Variants in KCNAB1 observed in about 807,000 individuals in gnomAD.
KCNAB1 encodes potassium voltage-gated channel subfamily A regulatory beta subunit 1, also known as voltage-gated potassium channel subunit beta-1.
In KCNAB1, 35 loss-of-function variants were observed where a neutral mutation model predicts 64.6. The observed-to-expected ratio is 0.54, with a 90% CI of 0.41 to 0.72. The LOEUF is 0.72. Ranked by LOEUF, KCNAB1 falls within the 30% of genes least tolerant of loss-of-function variation. The probability of loss-of-function intolerance (pLI) is 0.00; values close to 1 mark genes in which losing one functional copy is unlikely to be tolerated. For synonymous variants in KCNAB1, 177 were observed against 183.8 expected (o/e 0.96, Z 0.30); for missense variants, 401 against 512.9 (o/e 0.78, Z 2.11).
rs536391085 is a variant in KCNAB1 at position 156,399,238 on chromosome 3, G to T, written c.276-22378G>T. Among the ~76,000 whole-genome samples, 4 of 152,274 alleles carry T rather than the reference G, an allele frequency of 2.6e-5. No homozygotes were observed. In the East Asian group the frequency reaches 7.7e-4, roughly 29 times the overall value. ...CTGCAATCTGTCTGGTGTTTCAGTC[G>T]TGTTAGGTGTGCTGTATGGAAAGGC... On this transcript the variant is annotated intron_variant, in intron 1 of 13. Coordinates refer to ENST00000490337, the MANE Select transcript of KCNAB1 (RefSeq NM_172160.3).
At chr3:156,301,338 T>C (rs1040933784) in intron 1 of KCNAB1, among the ~76,000 whole-genome samples, 3 of 152,188 alleles carry the variant, frequency 2.0e-5, no homozygotes, top group African/African-American at 7.2e-5. Flanking sequence ...AAAGAATTCC[T>C]CTGAGGCATT....
intron 1 of KCNAB1, among the ~76,000 whole-genome samples, chr3:156,152,179 T>A (rs1031044898): frequency 1.3e-5 from 2 of 152,200 alleles, no homozygotes; most frequent in African/African-American, 4.8e-5. Context: ...CTTATTAGCC[T>A]ACATAAATCC....
chr3:156,181,287 A>G (rs1712798593), intron 1 of KCNAB1, among the ~76,000 whole-genome samples: 2 of 152,306 alleles, frequency 1.3e-5, no homozygotes, highest in South Asian at 4.1e-4. Context: ...CTAGCAGACG[A>G]AACAACACGA....
intron 1 of KCNAB1, among the ~76,000 whole-genome samples, chr3:156,126,128 G>T (rs1257826978): frequency 6.6e-6 from 1 of 152,094 alleles, no homozygotes; most frequent in Non-Finnish European, 1.5e-5. Flanking sequence ...GAGCAGAGGT[G>T]CAGATGAAAG....
intron 1 of KCNAB1, among the ~76,000 whole-genome samples, chr3:156,152,316 G>C (rs1715461891): frequency 6.6e-6 from 1 of 152,210 alleles, no homozygotes; most frequent in Non-Finnish European, 1.5e-5. Context: ...CACAGACACG[G>C]TTACCTCAGG....
chr3:156,515,071 A>C, intron 9 of KCNAB1, 29 bp from the exon 10 acceptor site: 1 of 1,578,744 alleles, frequency 6.3e-7, no homozygotes, highest in Non-Finnish European at 8.6e-7. Context: ...CATCAGTATA[A>C]ATTTGGTTGT....
At chr3:156,491,935 C>T (rs1207506371) in intron 8 of KCNAB1, among the ~76,000 whole-genome samples, 2 of 152,076 alleles carry the variant, frequency 1.3e-5, no homozygotes, top group East Asian at 1.9e-4. Context: ...AGAAATTATT[C>T]GATTCTGGAA....
At chr3:156,436,318 G>C (rs1194434571) in intron 2 of KCNAB1, among the ~76,000 whole-genome samples, 1 of 152,138 alleles carries the variant, frequency 6.6e-6, no homozygotes, top group Non-Finnish European at 1.5e-5. Flanking sequence ...GTCTATCGTT[G>C]ATGGGCATTT....
intron 2 of KCNAB1, among the ~76,000 whole-genome samples, chr3:156,445,227 C>T (rs866635012): frequency 6.6e-6 from 1 of 152,104 alleles, no homozygotes; most frequent in Admixed American, 6.6e-5. Context: ...ACCTGGGAGG[C>T]GGAAGTTGCA....
intron 8 of KCNAB1, among the ~76,000 whole-genome samples, chr3:156,489,382 C>T (rs1261431357): frequency 2.6e-5 from 4 of 151,834 alleles, no homozygotes; most frequent in Non-Finnish European, 4.4e-5. Flanking sequence ...CAAATGTTAC[C>T]GATAGGTCAA....
chr3:156,226,387 C>T (rs1000674980), intron 1 of KCNAB1, among the ~76,000 whole-genome samples: 1 of 151,994 alleles, frequency 6.6e-6, no homozygotes, highest in African/African-American at 2.4e-5. Context: ...AGATATCTAT[C>T]TCTCACCTCA....
rs1210016181 is a variant in KCNAB1 at position 156,523,630 on chromosome 3, A to G, written c.961-197A>G. The G allele has an allele frequency of 7.2e-6, 4 of 559,400 alleles. No individual in the cohort carries two copies. In the Admixed American group the frequency reaches 1.3e-4, roughly 18 times the overall value. The allele number at this position is 559,400 out of a possible 1,614,324, so 34.7% of individuals were successfully genotyped here. ...GAATGGTGAATATTAGTCAAAATCA[A>G]TCTGTTTTGAACCAATAAACAAGGA... On this transcript the variant is annotated intron_variant, in intron 11 of 13. Coordinates refer to ENST00000490337, the MANE Select transcript of KCNAB1 (RefSeq NM_172160.3).
At chr3:156,513,009 G>A (rs996407683) in intron 8 of KCNAB1, among the ~76,000 whole-genome samples, 25 of 152,184 alleles carry the variant, frequency 1.6e-4, no homozygotes, top group East Asian at 5.8e-4. Flanking sequence ...TCAGGAGATC[G>A]AGACCATCCT....
chr3:156,162,252 ATTT>A lies in KCNAB1; in HGVS notation c.275+41375_275+41377del, dbSNP rs5853743. Among the ~76,000 whole-genome samples the A allele has an allele frequency of 2.0e-5, 3 of 150,410 alleles. No homozygotes were observed. In the South Asian group the frequency reaches 6.3e-4, roughly 32 times the overall value. ...AGTATTTAGGACATATTTATACTGG[ATTT>A]TTTTTTTTAATTTTTAGCAAGGAAG... On this transcript the variant is annotated intron_variant, in intron 1 of 13. Coordinates refer to ENST00000490337, the MANE Select transcript of KCNAB1 (RefSeq NM_172160.3).
At chr3:156,143,225 TGGG>T in intron 1 of KCNAB1, 2 of 1,613,780 alleles carry the variant, frequency 1.2e-6, no homozygotes, top group Non-Finnish European at 8.5e-7. Flanking sequence ...AGCCCCAAGC[TGGG>T]TCTGCCAAAA....
chr3:156,416,466 T>C (rs1346220805), intron 1 of KCNAB1, among the ~76,000 whole-genome samples: 1 of 152,234 alleles, frequency 6.6e-6, no homozygotes, highest in Non-Finnish European at 1.5e-5. Flanking sequence ...TTTACTAAGT[T>C]TCTTCCTACT....
chr3:156,174,766 TC>T (rs1177444479), intron 1 of KCNAB1, among the ~76,000 whole-genome samples: 1 of 152,164 alleles, frequency 6.6e-6, no homozygotes, highest in African/African-American at 2.4e-5. Flanking sequence ...CAGCCTCCCA[TC>T]AGGAGGCATG....
chr3:156,367,481 G>A (rs1213418732), intron 1 of KCNAB1, among the ~76,000 whole-genome samples: 4 of 152,076 alleles, frequency 2.6e-5, no homozygotes, highest in South Asian at 2.1e-4. Flanking sequence ...GTTCCCGGCC[G>A]AGTAATCTAT....
At chr3:156,535,798 ATATC>A in intron 13 of KCNAB1, among the ~76,000 whole-genome samples, 1 of 106,258 alleles carries the variant, frequency 9.4e-6, no homozygotes, top group South Asian at 3.1e-4. Context: ...TACATATCTA[ATATC>A]TGTGTCCCCT....
Sources: allele counts gnomAD v4.1 joint callset (sites outside exome capture counted in the v4.1 genomes callset), GRCh38; gene constraint gnomAD v4.1.1; transcripts MANE v1.5; gene names NCBI Gene and HGNC (gene_info 2026-07-23, HGNC 2026-07-21).